Variants in LINGO2 observed in about 807,000 individuals in gnomAD.
LINGO2 encodes the protein leucine rich repeat and Ig domain containing 2, also known as leucine-rich repeat and immunoglobulin-like domain-containing nogo receptor-interacting protein 2.
Under a neutral mutation model 30.6 loss-of-function variants are expected in LINGO2, and 14 were observed. The ratio of observed to expected loss-of-function variants is 0.46; its 90% confidence interval spans 0.30 to 0.72. The LOEUF is 0.72. Ranked by LOEUF, LINGO2 falls within the 30% of genes least tolerant of loss-of-function variation. The pLI is 0.07. For synonymous variants in LINGO2, 317 were observed against 288.5 expected, an observed-to-expected ratio of 1.10 and a Z score of -1.00; for missense variants, 729 against 751.7, an observed-to-expected ratio of 0.97 and a Z score of 0.35.
At chr9:28,360,815 A>C (rs1227077741) in intron 3 of LINGO2, among the ~76,000 whole-genome samples, 1 of 152,110 alleles carries the variant, frequency 6.6e-6, no homozygotes, top group Non-Finnish European at 1.5e-5. Flanking sequence ...TATACTGGCC[A>C]GCACTTCTCT....
At chr9:29,080,750 G>A in the LINGO2 span, among the ~76,000 whole-genome samples, 2 of 152,102 alleles carry the variant, frequency 1.3e-5, no homozygotes, top group Admixed American at 6.6e-5. Context: ...GTAGTTGAGC[G>A]GTTTTGAGTG....
intron 4 of LINGO2, among the ~76,000 whole-genome samples, chr9:28,108,029 G>T (rs542230108): frequency 6.6e-6 from 1 of 152,248 alleles, no homozygotes; most frequent in East Asian, 1.9e-4. Context: ...AGCAGTGCAA[G>T]TTCACTGATG....
At chr9:28,563,803 G>C (rs144245579) in intron 1 of LINGO2, among the ~76,000 whole-genome samples, 35 of 152,220 alleles carry the variant, frequency 2.3e-4, no homozygotes, top group African/African-American at 7.7e-4. Context: ...CTGACATTCA[G>C]TGCCCAGAAT....
At chr9:29,116,497 T>A in the LINGO2 span, among the ~76,000 whole-genome samples, 1 of 152,098 alleles carries the variant, frequency 6.6e-6, no homozygotes. Context: ...GCAAACAACA[T>A]CCTTATTTCT....
chr9:28,002,782 T>C (rs1391786801), intron 5 of LINGO2, among the ~76,000 whole-genome samples: 1 of 146,514 alleles, frequency 6.8e-6, no homozygotes, highest in Non-Finnish European at 1.5e-5. Context: ...AGATGGCACA[T>C]TCTCCCCGTC....
the LINGO2 span, among the ~76,000 whole-genome samples, chr9:28,714,674 C>A: frequency 6.6e-6 from 1 of 151,970 alleles, no homozygotes; most frequent in Non-Finnish European, 1.5e-5. Flanking sequence ...ATTACAACAG[C>A]TAGCGTTATC....
rs533215233 is a variant in LINGO2 at position 28,058,207 on chromosome 9, T to A, written c.-86-45802A>T. Among the ~76,000 whole-genome samples, 35 of 152,254 alleles carry A rather than the reference T, an allele frequency of 2.3e-4. No individual in the cohort carries two copies. The South Asian group carries it at 7.0e-3, about 31-fold the overall frequency. On this transcript the variant is annotated intron_variant, in intron 4 of 5. Transcript: ENST00000379992. ...GTATTTGATGCCATCATCACTAAAATCTCTTTTGGCAGTCTCAAGATGGGG... is the reference window on the plus strand; with the variant it reads ...GTATTTGATGCCATCATCACTAAAAACTCTTTTGGCAGTCTCAAGATGGGG...
chr9:28,317,881 C>T (rs937954393), intron 3 of LINGO2, among the ~76,000 whole-genome samples: 1 of 152,130 alleles, frequency 6.6e-6, no homozygotes, highest in Admixed American at 6.6e-5. Context: ...ATAATGCAGT[C>T]CAGTCAAACC....
chr9:28,310,969 T>A (rs1453393167), intron 3 of LINGO2, among the ~76,000 whole-genome samples: 2 of 152,166 alleles, frequency 1.3e-5, no homozygotes. Context: ...AATACTAATA[T>A]TGGGGGAAAT....
the LINGO2 span, among the ~76,000 whole-genome samples, chr9:29,121,391 A>T: frequency 6.6e-6 from 1 of 152,132 alleles, no homozygotes; most frequent in African/African-American, 2.4e-5. Flanking sequence ...GAATTAAGCA[A>T]AAGCTCTCAC....
intron 4 of LINGO2, among the ~76,000 whole-genome samples, chr9:28,220,025 CATT>C (rs1192773778): frequency 6.6e-6 from 1 of 152,064 alleles, no homozygotes; most frequent in Non-Finnish European, 1.5e-5. Context: ...TTTTTCTGGT[CATT>C]ATTATTCCAT....
At chr9:28,045,743 A>G (rs1374769542) in intron 4 of LINGO2, among the ~76,000 whole-genome samples, 2 of 152,186 alleles carry the variant, frequency 1.3e-5, no homozygotes, top group East Asian at 3.9e-4. Flanking sequence ...GCTAAGCACT[A>G]TGGAAGATAA....
At chr9:29,016,273 T>C in the LINGO2 span, among the ~76,000 whole-genome samples, 1 of 152,150 alleles carries the variant, frequency 6.6e-6, no homozygotes, top group Non-Finnish European at 1.5e-5. Flanking sequence ...ATTTCCAAGG[T>C]ACCCCAGAGG....
At chr9:28,676,794 T>G in the LINGO2 span, among the ~76,000 whole-genome samples, 1 of 152,176 alleles carries the variant, frequency 6.6e-6, no homozygotes, top group African/African-American at 2.4e-5. Flanking sequence ...GTGAAAGCCA[T>G]ACATCCTTGT....
chr9:29,135,923 G>A, the LINGO2 span, among the ~76,000 whole-genome samples: 1 of 152,068 alleles, frequency 6.6e-6, no homozygotes, highest in Non-Finnish European at 1.5e-5. Flanking sequence ...TGTCGTCAAG[G>A]TTCATCCATA....
the LINGO2 span, among the ~76,000 whole-genome samples, chr9:28,702,508 C>A: frequency 6.6e-6 from 1 of 151,698 alleles, no homozygotes; most frequent in Non-Finnish European, 1.5e-5. Flanking sequence ...TTGTATAATT[C>A]TTTTTATAAA....
chr9:29,123,819 G>C, the LINGO2 span, among the ~76,000 whole-genome samples: 1 of 152,022 alleles, frequency 6.6e-6, no homozygotes, highest in African/African-American at 2.4e-5. Flanking sequence ...TAGAATTAAA[G>C]TGGGGTTCTG....
intron 5 of LINGO2, among the ~76,000 whole-genome samples, chr9:28,002,736 A>G (rs928385336): frequency 6.6e-6 from 1 of 152,160 alleles, no homozygotes; most frequent in Non-Finnish European, 1.5e-5. Flanking sequence ...GATGAGAAAA[A>G]AAATCGATTC....
intron 2 of LINGO2, among the ~76,000 whole-genome samples, chr9:28,438,470 T>C (rs999441886): frequency 6.6e-6 from 1 of 152,150 alleles, no homozygotes; most frequent in Non-Finnish European, 1.5e-5. Flanking sequence ...GGGACTTAGA[T>C]AAGTGGTCCC....
Sources: gnomAD v4.1 joint callset for allele counts (sites outside exome capture counted in the v4.1 genomes callset) on GRCh38, gnomAD v4.1.1 for gene constraint, MANE v1.5 for transcripts, NCBI Gene and HGNC (gene_info 2026-07-23, HGNC 2026-07-21) for gene names.